The following ADCY8 variants were observed in gnomAD, a reference collection of about 807,000 sequenced individuals.
The protein encoded by ADCY8 is adenylate cyclase type 8.
ADCY8 carries 51 observed loss-of-function variants against 119.7 expected under a neutral mutation model. The ratio of observed to expected loss-of-function variants is 0.43; its 90% CI spans 0.34 to 0.54. ADCY8 has a LOEUF of 0.54. Among genes scored for constraint, ADCY8 ranks in the 20% least tolerant of loss-of-function variants. The pLI, the probability that ADCY8 is intolerant of heterozygous loss-of-function variation, is 0.03. For synonymous variants in ADCY8, 665 were observed against 651.0 expected (o/e 1.02, Z -0.33); for missense variants, 1,383 against 1,598.8 (o/e 0.87, Z 2.30).
chr8:131,039,795 T>G lies in ADCY8; in HGVS notation c.539A>C (p.Lys180Thr), dbSNP rs767587624. 58 of 1,614,194 alleles carry G rather than the reference T, an allele frequency of 3.6e-5. No homozygotes were observed. Among genetic ancestry groups the G allele is most frequent in the Non-Finnish European group, 4.7e-5 (56 of 1,180,034 alleles). ...YQRYFLGQRR[K>T]SEVVMNVLDV... ...CAGCACGTTCATCACCACTTCCGAT[T>G]TGCGCCTTTGGCCCAAGAAATAGCG... Residue 180 changes from lysine (K) to threonine (T), a missense_variant, in exon 1 of 18, where the codon AAA becomes ACA. Coordinates refer to ENST00000286355, the MANE Select transcript of ADCY8 (RefSeq NM_001115.3).
At chr8:130,896,437 T>C (rs1346526527) in intron 7 of ADCY8, among the ~76,000 whole-genome samples, 1 of 152,136 alleles carries the variant, frequency 6.6e-6, no homozygotes, top group Non-Finnish European at 1.5e-5. Flanking sequence ...TTTGCACGCC[T>C]TCATATTCAC....
intron 8 of ADCY8, among the ~76,000 whole-genome samples, chr8:130,883,549 TCTAAA>T (rs1451195658): frequency 6.6e-6 from 1 of 152,220 alleles, no homozygotes; most frequent in Admixed American, 6.5e-5. Flanking sequence ...TTGTGAATTC[TCTAAA>T]CTAAGGAAAG....
intron 7 of ADCY8, among the ~76,000 whole-genome samples, chr8:130,903,465 T>C (rs1283707464): frequency 3.7e-5 from 1 of 27,206 alleles, no homozygotes; most frequent in Non-Finnish European, 1.5e-4. Context: ...ACATGAGTGG[T>C]TTTTTTTTTT....
At chr8:131,039,298 T>C (rs1824270447) in intron 1 of ADCY8, 76 bp downstream of exon 1, 1 of 1,562,726 alleles carries the variant, frequency 6.4e-7, no homozygotes, top group Non-Finnish European at 8.7e-7. Context: ...GAGGCAACCC[T>C]GGCTCTCTGG....
intron 2 of ADCY8, among the ~76,000 whole-genome samples, chr8:130,965,450 C>T (rs1821733323): frequency 6.6e-6 from 1 of 152,130 alleles, no homozygotes; most frequent in South Asian, 2.1e-4. Context: ...ACCAATGCAA[C>T]AAACCTGTAC....
intron 5 of ADCY8, among the ~76,000 whole-genome samples, chr8:130,912,442 C>G (rs1820010706): frequency 6.6e-6 from 1 of 152,166 alleles, no homozygotes; most frequent in African/African-American, 2.4e-5. Flanking sequence ...AGGCATTATT[C>G]CTGCCTGAGG....
rs542070052 is a variant in ADCY8 at position 130,976,581 on chromosome 8, C to T, written c.1110+13812G>A. Reference sequence around the variant, plus strand: ...AATTCAATTTTTATAATTCTGAAGTCATTTCTTATTCATTGATATATATTT... The same window carrying T: ...AATTCAATTTTTATAATTCTGAAGTTATTTCTTATTCATTGATATATATTT... On this transcript the variant is annotated intron_variant, in intron 2 of 17. Transcript: ENST00000286355. 7.9e-5 allele frequency among the ~76,000 whole-genome samples: 12 copies of T among 152,198 alleles called. No individual in the cohort carries two copies. In the East Asian group the frequency reaches 2.1e-3, roughly 27 times the overall value.
chr8:130,909,099 T>TG (rs1819892031), intron 6 of ADCY8, among the ~76,000 whole-genome samples: 1 of 152,064 alleles, frequency 6.6e-6, no homozygotes, highest in Non-Finnish European at 1.5e-5. Flanking sequence ...AAAATCACAC[T>TG]GGCTCACATA....
chr8:130,992,957 C>T (rs902737806), intron 1 of ADCY8, among the ~76,000 whole-genome samples: 17 of 152,024 alleles, frequency 1.1e-4, no homozygotes, highest in Admixed American at 2.6e-4. Context: ...CTGGGCACAT[C>T]ATAATCCAAA....
At position 130,939,093 on chromosome 8, in the gene ADCY8, A is replaced by ATT. The variant is rs397961879; in HGVS notation, c.1354-1895_1354-1894dup. 1.7e-3 allele frequency among the ~76,000 whole-genome samples: 244 copies of ATT among 146,714 alleles called. 2 individuals are homozygous for ATT. Among genetic ancestry groups the ATT allele is most frequent in the African/African-American group, 3.7e-3 (148 of 40,358 alleles). ...AGGGTTTAGAGATGTTGTAGGGTAC[A>ATT]TTTTTTTTTTTTGTCAAGAAAGTAT... On this transcript the variant is annotated intron_variant, in intron 4 of 17. Coordinates refer to ENST00000286355, the MANE Select transcript of ADCY8 (RefSeq NM_001115.3).
chr8:130,818,888 T>A (rs918350311), intron 13 of ADCY8, among the ~76,000 whole-genome samples: 2 of 152,248 alleles, frequency 1.3e-5, no homozygotes, highest in Non-Finnish European at 1.5e-5. Context: ...TCTTACAGGC[T>A]TTGTGACCTC....
intron 12 of ADCY8, among the ~76,000 whole-genome samples, chr8:130,826,607 C>G (rs1381377375): frequency 1.3e-5 from 2 of 152,018 alleles, no homozygotes; most frequent in East Asian, 3.9e-4. Context: ...GTCTGAAATG[C>G]CTTCAACATC....
intron 14 of ADCY8, among the ~76,000 whole-genome samples, chr8:130,810,408 G>A (rs1041899951): frequency 4.7e-5 from 7 of 150,354 alleles, no homozygotes; most frequent in African/African-American, 7.4e-5. Flanking sequence ...ATACTCCAGA[G>A]GTGGTATGGG....
intron 9 of ADCY8, among the ~76,000 whole-genome samples, chr8:130,853,092 G>C (rs1005051779): frequency 6.6e-6 from 1 of 152,160 alleles, no homozygotes; most frequent in Non-Finnish European, 1.5e-5. Flanking sequence ...AGAAACTATC[G>C]GGGGTGCTCA....
chr8:130,865,384 T>A (rs1055643382), intron 9 of ADCY8, among the ~76,000 whole-genome samples: 1 of 152,080 alleles, frequency 6.6e-6, no homozygotes, highest in African/African-American at 2.4e-5. Context: ...TTTCCAAATT[T>A]CTAAGTTTTT....
intron 7 of ADCY8, among the ~76,000 whole-genome samples, chr8:130,885,527 G>A (rs929181228): frequency 6.6e-6 from 1 of 152,056 alleles, no homozygotes; most frequent in African/African-American, 2.4e-5. Flanking sequence ...ATTGGCTTAC[G>A]AAGACACACC....
At chr8:130,873,997 C>A (rs1382024203) in intron 8 of ADCY8, among the ~76,000 whole-genome samples, 1 of 152,042 alleles carries the variant, frequency 6.6e-6, no homozygotes, top group African/African-American at 2.4e-5. Flanking sequence ...ATGGCAGTAG[C>A]ATAGAGCATC....
intron 1 of ADCY8, among the ~76,000 whole-genome samples, chr8:131,010,146 G>A (rs183434920): frequency 5.3e-5 from 8 of 152,296 alleles, no homozygotes; most frequent in East Asian, 3.9e-4. Context: ...TCCATTTCAT[G>A]TCAATATGTC....
rs376386996 is a variant in ADCY8, at chr8:130,951,971, G to A, written c.1138C>T (p.Arg380Trp). ...QERLVLSVLP[R>W]FVVLEMINDM... ...TTGATCATTTCCAGGACAACAAACC[G>A]GGGGAGCACAGAAAGCACGAGCCGC... The change falls in exon 3 of 18, where the codon CGG becomes TGG. Residue 380 changes from arginine (R) to tryptophan (W), a missense_variant. Transcript: ENST00000286355. 8.1e-6 allele frequency: 13 copies of A among 1,613,840 alleles called. No homozygotes were observed. Among genetic ancestry groups the A allele is most frequent in the Admixed American group, 1.7e-5 (1 of 59,994 alleles).
Sources: allele counts gnomAD v4.1 joint callset (sites outside exome capture counted in the v4.1 genomes callset), GRCh38; gene constraint gnomAD v4.1.1; transcripts MANE v1.5; gene names NCBI Gene and HGNC (gene_info 2026-07-23, HGNC 2026-07-21).